NAPG: variants seen among roughly 807,000 people sequenced by gnomAD.
The protein encoded by NAPG is NSF attachment protein gamma.
Under a neutral mutation model 48.4 loss-of-function variants are expected in NAPG, and 25 were observed. The observed-to-expected ratio is 0.52, with a 90% CI of 0.38 to 0.72. NAPG has a LOEUF of 0.72. Among genes scored for constraint, NAPG ranks in the 30% least tolerant of loss-of-function variants. NAPG has a pLI of 0.00. For missense variants in NAPG, 359 were observed against 372.5 expected, an observed-to-expected ratio of 0.96 and a Z score of 0.30; for synonymous variants, 139 against 127.2, an observed-to-expected ratio of 1.09 and a Z score of -0.62.
At chr18:10,541,754 G>GTGAA (rs1478172943) in intron 8 of NAPG, among the ~76,000 whole-genome samples, 37 of 152,206 alleles carry the variant, frequency 2.4e-4, no homozygotes, top group African/African-American at 8.7e-4. Context: ...GGTGAAGGAA[G>GTGAA]TGAAGTTGCA....
At chr18:10,533,757 G>C (rs545120542) in intron 4 of NAPG, among the ~76,000 whole-genome samples, 1 of 152,170 alleles carries the variant, frequency 6.6e-6, no homozygotes, top group South Asian at 2.1e-4. Context: ...AATTAAATTT[G>C]CCATAATATT....
chr18:10,540,117 A>C, intron 7 of NAPG, 63 bp downstream of exon 7: 1 of 1,363,936 alleles, frequency 7.3e-7, no homozygotes, highest in Non-Finnish European at 1.0e-6. Context: ...AATATATAGG[A>C]AAATAGAGAA....
intron 5 of NAPG, among the ~76,000 whole-genome samples, chr18:10,537,255 C>T (rs2032054367): frequency 6.6e-6 from 1 of 152,126 alleles, no homozygotes; most frequent in African/African-American, 2.4e-5. Flanking sequence ...CACTACCCTA[C>T]TACTGACTGG....
chr18:10,527,085 G>C (rs909940982), intron 1 of NAPG, among the ~76,000 whole-genome samples: 1 of 151,302 alleles, frequency 6.6e-6, no homozygotes, highest in Non-Finnish European at 1.5e-5. Context: ...CTACTCGGGA[G>C]CCTGAGGCAG....
chr18:10,535,354 A>T (rs1356114180), intron 5 of NAPG, among the ~76,000 whole-genome samples: 1 of 152,274 alleles, frequency 6.6e-6, no homozygotes, highest in Non-Finnish European at 1.5e-5. Flanking sequence ...AAGATTTTAT[A>T]GTCTTTGACC....
At chr18:10,527,187 C>CAAAAAAA (rs775618160) in intron 1 of NAPG, among the ~76,000 whole-genome samples, 17 of 105,446 alleles carry the variant, frequency 1.6e-4, no homozygotes, top group African/African-American at 4.3e-4. Flanking sequence ...GACTCCGTCT[C>CAAAAAAA]AAAAAAAAAA....
chr18:10,545,260 C>G (rs1023366743), intron 8 of NAPG, among the ~76,000 whole-genome samples: 1 of 151,854 alleles, frequency 6.6e-6, no homozygotes, highest in Non-Finnish European at 1.5e-5. Flanking sequence ...TGCGGTGAGC[C>G]GAGATGTCGC....
intron 1 of NAPG, among the ~76,000 whole-genome samples, chr18:10,529,010 T>C (rs2031875456): frequency 6.6e-6 from 1 of 152,234 alleles, no homozygotes; most frequent in African/African-American, 2.4e-5. Context: ...GTTTCCTTAT[T>C]GATTCTTTGG....
At position 10,551,293 on chromosome 18, in the gene NAPG, A is replaced by G. The variant is rs2032388545; in HGVS notation, c.*1073A>G. On this transcript the variant is annotated 3_prime_UTR_variant, in exon 12 of 12. Transcript: ENST00000322897. ...GGTAATGTTTCCATCAGTCTAATAC[A>G]GATATATTTCTTCCCTCCAAAACAG... 1 of 152,104 alleles carries G rather than the reference A, an allele frequency of 6.6e-6. No individual in the cohort carries two copies. The highest frequency in any genetic ancestry group is 2.4e-5 in the African/African-American group (1 of 41,402). The allele number at this position is 152,104 out of a possible 1,614,324, so 9.4% of individuals were successfully genotyped here.
chr18:10,548,359 T>C lies in NAPG; in HGVS notation c.646T>C (p.Cys216Arg). The change falls in exon 10 of 12, where the codon TGT becomes CGT. Residue 216 changes from cysteine to arginine, a missense_variant. By Grantham distance (180) the Cys-to-Arg change is radical. Transcript: ENST00000322897. The surrounding 1 kb of genome is among the most constrained non-coding windows in gnomAD (Gnocchi z 4.4). ...HRNDYVAAERCVRESYSIPGF... is the reference protein window; with the variant it reads ...HRNDYVAAERRVRESYSIPGF... The stretch of plus-strand genomic sequence containing the variant: ...AAATGACTATGTAGCTGCAGAAAGA[T>C]GTGTCCGGGAGAGCTATAGGTAAGA... 6.2e-7 allele frequency: 1 copy of C among 1,613,678 alleles called. No homozygotes were observed. Among genetic ancestry groups the C allele is most frequent in the Non-Finnish European group, 8.5e-7 (1 of 1,179,600 alleles).
In NAPG at chr18:10,526,129, G is replaced by T; in HGVS notation, c.27G>T (p.Gly9=). The T allele has an allele frequency of 6.2e-7, 1 of 1,613,728 alleles. No individual in the cohort carries two copies. Among genetic ancestry groups the T allele is most frequent in the South Asian group, 1.1e-5 (1 of 91,074 alleles). The part of the protein sequence containing the change: MAAQKINE[G]LEHLAKAEKY... ...TGGCGGCTCAGAAGATAAACGAGGG[G>T]CTGGAACACCTCGCCAAAGCAGAGA... is the stretch of plus-strand genomic sequence containing the variant. The change falls in exon 1 of 12, where the codon GGG becomes GGT. Residue 9 remains glycine (G), a synonymous_variant. Transcript: ENST00000322897.
Position 10,542,456 on chromosome 18 carries a change from T to C in NAPG, c.506+2057T>C, listed in dbSNP as rs777265583. 2.6e-5 allele frequency among the ~76,000 whole-genome samples: 4 copies of C among 152,182 alleles called. No individual in the cohort carries two copies. The highest frequency in any genetic ancestry group is 5.9e-5 in the Non-Finnish European group (4 of 68,024). On this transcript the variant is annotated intron_variant, in intron 8 of 11. Transcript: ENST00000322897. This position sits in a 1 kb window ranked among gnomAD's most constrained non-coding sequence, Gnocchi z 4.5. The stretch of plus-strand genomic sequence containing the variant: ...GTACTTCTATTGGGAACTTAAATAG[T>C]GCAGGATAAGAAAAAACATGCAGTG...
intron 3 of NAPG, chr18:10,533,230 TAAA>T (rs2031966534): frequency 3.3e-6 from 1 of 300,876 alleles, no homozygotes; most frequent in South Asian, 1.1e-4. Context: ...AACTTATCAA[TAAA>T]AAATGTTTCT....
chr18:10,539,589 T>C lies in NAPG; in HGVS notation c.259-173T>C. 1.7e-6 allele frequency: 1 copy of C among 592,710 alleles called. No homozygotes were observed. Among genetic ancestry groups the C allele is most frequent in the Non-Finnish European group, 3.0e-6 (1 of 333,806 alleles). The allele number at this position is 592,710 out of a possible 1,614,324, so 36.7% of individuals were successfully genotyped here. On this transcript the variant is annotated intron_variant, in intron 5 of 11. Transcript: ENST00000322897. The surrounding 1 kb of genome is among the most constrained non-coding windows in gnomAD (Gnocchi z 4.7). ...CGGGGCTTAAAACCTAGATGATGGG[T>C]TGATAGGTATAGCAAACCACCATGG...
chr18:10,529,489 C>T (rs2031885064), intron 1 of NAPG, among the ~76,000 whole-genome samples: 1 of 152,186 alleles, frequency 6.6e-6, no homozygotes. Context: ...TACAGTGGCT[C>T]ATGCCGGTAA....
At chr18:10,547,508 CAATT>C (rs1216781506) in intron 9 of NAPG, among the ~76,000 whole-genome samples, 1 of 152,006 alleles carries the variant, frequency 6.6e-6, no homozygotes, top group Non-Finnish European at 1.5e-5. Flanking sequence ...AAGATAAACA[CAATT>C]AAAATGAATA....
chr18:10,526,400 C>T (rs1045884901), intron 1 of NAPG: 3 of 528,340 alleles, frequency 5.7e-6, no homozygotes, highest in African/African-American at 4.1e-5. Context: ...TCCCCAGAGC[C>T]GGTGTGGGCG....
rs1000087769 is a variant in NAPG at position 10,535,764 on chromosome 18, GTAATAA to G, written c.258+1277_258+1282del. Among the ~76,000 whole-genome samples, 187 of 152,200 alleles carry G rather than the reference GTAATAA, an allele frequency of 1.2e-3. 2 individuals carry two copies. The highest frequency in any genetic ancestry group is 4.1e-3 in the African/African-American group (169 of 41,538). On this transcript the variant is annotated intron_variant, in intron 5 of 11. Coordinates refer to ENST00000322897, the MANE Select transcript of NAPG (RefSeq NM_003826.3). ...CAACAGAGCGAGACTCTGTCTCAAA[GTAATAA>G]TAATAATAGGAAAGTGTTTAAATAA...
chr18:10,552,045 C>T lies in NAPG; in HGVS notation c.*1825C>T, dbSNP rs1342484142. On this transcript the variant is annotated 3_prime_UTR_variant, in exon 12 of 12. Transcript: ENST00000322897. ...ACTTCTGGAGTCTTACATTAATGCT[C>T]ATTTGAGCTAATTAGTAATCTGTTT... The T allele has an allele frequency of 2.0e-5, 3 of 152,126 alleles. No individual in the cohort carries two copies. Among genetic ancestry groups the T allele is most frequent in the African/African-American group, 4.8e-5 (2 of 41,414 alleles). 9.4% of individuals were successfully genotyped at this position (152,126 alleles called of 1,614,324 possible).
Sources: allele counts gnomAD v4.1 joint callset (sites outside exome capture counted in the v4.1 genomes callset), GRCh38; gene constraint gnomAD v4.1.1; non-coding constraint Gnocchi (gnomAD v3.1); transcripts MANE v1.5; gene names NCBI Gene and HGNC (gene_info 2026-07-23, HGNC 2026-07-21).